Variants in ENTPD6 observed in about 807,000 individuals in gnomAD.
The protein encoded by ENTPD6 is ectonucleoside triphosphate diphosphohydrolase 6, also known as CD39 antigen-like 2.
A neutral mutation model predicts 61.5 loss-of-function variants in ENTPD6; 46 were observed. The observed-to-expected ratio is 0.75, with a 90% CI of 0.59 to 0.96. ENTPD6 has a LOEUF of 0.96. Ranked by LOEUF, ENTPD6 falls within the 40% of genes least tolerant of loss-of-function variation. The probability of loss-of-function intolerance (pLI) is 0.00; values close to 1 mark genes in which losing one functional copy is unlikely to be tolerated. For missense variants in ENTPD6, 612 were observed against 629.0 expected (o/e 0.97, Z 0.29); for synonymous variants, 252 against 255.5 (o/e 0.99, Z 0.13).
At chr20:25,212,118 C>T (rs1324504638) in intron 4 of ENTPD6, among the ~76,000 whole-genome samples, 1 of 152,138 alleles carries the variant, frequency 6.6e-6, no homozygotes, top group Non-Finnish European at 1.5e-5. Context: ...ACGTGTTTTT[C>T]CCTTGGACAG....
At chr20:25,223,731 C>A in intron 12 of ENTPD6, 2 of 156,066 alleles carry the variant, frequency 1.3e-5, no homozygotes, top group East Asian at 1.9e-4. Flanking sequence ...ATTTAGGAAA[C>A]TGATACCAGA....
intron 1 of ENTPD6, among the ~76,000 whole-genome samples, chr20:25,198,066 G>A (rs1172892712): frequency 1.3e-5 from 2 of 152,016 alleles, no homozygotes; most frequent in Non-Finnish European, 2.9e-5. Flanking sequence ...CACATAAAGG[G>A]TTTTTTTAAA....
chr20:25,204,837 T>A (rs767104094), intron 1 of ENTPD6, among the ~76,000 whole-genome samples: 2 of 151,798 alleles, frequency 1.3e-5, no homozygotes, highest in Non-Finnish European at 2.9e-5. Context: ...CACCTCAGAG[T>A]TCCTGACATC....
At chr20:25,198,665 G>T (rs1366746815) in intron 1 of ENTPD6, among the ~76,000 whole-genome samples, 1 of 152,174 alleles carries the variant, frequency 6.6e-6, no homozygotes, top group Non-Finnish European at 1.5e-5. Context: ...TTGGGTTATA[G>T]TCTGCTAAGG....
chr20:25,214,223 G>C (rs1202337449), intron 5 of ENTPD6, among the ~76,000 whole-genome samples: 2 of 152,204 alleles, frequency 1.3e-5, no homozygotes, highest in Admixed American at 6.5e-5. Flanking sequence ...TTACCTGCAG[G>C]AGGAGGGCAC....
intron 4 of ENTPD6, 40 bp downstream of exon 4, chr20:25,209,965 A>G: frequency 6.6e-7 from 1 of 1,526,474 alleles, no homozygotes; most frequent in Non-Finnish European, 9.1e-7. Flanking sequence ...CAACTGCAGA[A>G]TGTGTTCAAG....
intron 1 of ENTPD6, 167 bp downstream of exon 1, chr20:25,196,034 G>A: frequency 1.2e-6 from 1 of 846,280 alleles, no homozygotes; most frequent in African/African-American, 1.8e-5. Context: ...GGGCTCCCTG[G>A]ATGTCTGGGC....
At chr20:25,203,162 A>T (rs2091180343) in intron 1 of ENTPD6, among the ~76,000 whole-genome samples, 1 of 151,916 alleles carries the variant, frequency 6.6e-6, no homozygotes, top group East Asian at 1.9e-4. Context: ...GTTATTGAGG[A>T]TTCTTTGTAC....
At chr20:25,201,054 T>G (rs2090993434) in intron 1 of ENTPD6, among the ~76,000 whole-genome samples, 1 of 152,218 alleles carries the variant, frequency 6.6e-6, no homozygotes, top group African/African-American at 2.4e-5. Flanking sequence ...TCATTATGAC[T>G]TCTTCTTTGA....
chr20:25,205,909 C>T (rs1389637076), intron 1 of ENTPD6, among the ~76,000 whole-genome samples: 1 of 152,258 alleles, frequency 6.6e-6, no homozygotes, highest in Non-Finnish European at 1.5e-5. Context: ...CTGCTGTGCC[C>T]AAACAGCCTC....
chr20:25,219,009 G>A (rs553571356), intron 10 of ENTPD6, among the ~76,000 whole-genome samples: 1 of 152,356 alleles, frequency 6.6e-6, no homozygotes, highest in South Asian at 2.1e-4. Flanking sequence ...CGCCTCCCCA[G>A]TAGCTGGGAC....
At chr20:25,216,997 C>T (rs1436829902) in intron 8 of ENTPD6, among the ~76,000 whole-genome samples, 1 of 152,178 alleles carries the variant, frequency 6.6e-6, no homozygotes, top group Non-Finnish European at 1.5e-5. Flanking sequence ...TAGGGAATAA[C>T]TGGAAACGTT....
chr20:25,210,168 G>A lies in ENTPD6; in HGVS notation c.453+243G>A, dbSNP rs576467233. Among the ~76,000 whole-genome samples, 20 of 152,352 alleles carry A rather than the reference G, an allele frequency of 1.3e-4. No individual in the cohort carries two copies. The East Asian group carries it at 3.9e-3, about 29-fold the overall frequency. On this transcript the variant is annotated intron_variant, in intron 4 of 14. Transcript: ENST00000376652. Reference sequence around the variant, plus strand: ...CCGTGCCAGCGCTCACTTCTCCAACGTGGGGGTCCCGAGGTCTTGGTACAG... The same window carrying A: ...CCGTGCCAGCGCTCACTTCTCCAACATGGGGGTCCCGAGGTCTTGGTACAG...
chr20:25,204,488 A>C (rs1358942327), intron 1 of ENTPD6, among the ~76,000 whole-genome samples: 1 of 138,870 alleles, frequency 7.2e-6, no homozygotes, highest in Non-Finnish European at 1.6e-5. Context: ...ATATATATAT[A>C]TCTTACTTTC....
At position 25,225,902 on chromosome 20, in the gene ENTPD6, T is replaced by G; in HGVS notation, c.*305T>G. On this transcript the variant is annotated 3_prime_UTR_variant, in exon 15 of 15. Transcript: ENST00000376652. ...AGGGGGCAGTGTGGCTCCCTGCCTGTCCCATCCCCATGCCCCGTCCGCGGG... is the reference window on the plus strand; with the variant it reads ...AGGGGGCAGTGTGGCTCCCTGCCTGGCCCATCCCCATGCCCCGTCCGCGGG... 1 of 297,102 alleles carries G rather than the reference T, an allele frequency of 3.4e-6. No individual in the cohort carries two copies. The highest frequency in any genetic ancestry group is 6.3e-6 in the Non-Finnish European group (1 of 159,574). The allele number at this position is 297,102 out of a possible 1,614,324, so 18.4% of individuals were successfully genotyped here. A position where few individuals can be genotyped will look rare whatever the true frequency, so the allele number is the denominator to read the frequency against.
intron 1 of ENTPD6, among the ~76,000 whole-genome samples, chr20:25,198,905 A>G (rs2090778235): frequency 6.6e-6 from 1 of 152,180 alleles, no homozygotes. Flanking sequence ...CAAACTCAGC[A>G]TGTCAAAAAC....
intron 1 of ENTPD6, among the ~76,000 whole-genome samples, chr20:25,198,337 G>A (rs187986643): frequency 2.0e-5 from 3 of 152,120 alleles, no homozygotes; most frequent in Non-Finnish European, 4.4e-5. Context: ...TTAGCTGGGC[G>A]TGGTGGTGCA....
At chr20:25,209,615 TA>T (rs200731715) in intron 3 of ENTPD6, among the ~76,000 whole-genome samples, 8 of 151,106 alleles carry the variant, frequency 5.3e-5, no homozygotes, top group African/African-American at 1.7e-4. Context: ...ATAATAATTT[TA>T]AAAAAATAAT....
Position 25,215,781 on chromosome 20 carries a change from G to A in ENTPD6, c.709+70G>A, listed in dbSNP as rs534328527. On this transcript the variant is annotated intron_variant, in intron 7 of 14. Coordinates refer to ENST00000376652, the MANE Select transcript of ENTPD6 (RefSeq NM_001247.5). ...TGCGGAGGGCTCGACTGGGCCTTTC[G>A]AGAGCAGGAGCCTCATTTCTGCTCT... 4.1e-4 allele frequency: 600 copies of A among 1,460,942 alleles called. 8 individuals are homozygous for A. The South Asian group carries it at 5.1e-3, about 12-fold the overall frequency. The allele number at this position is 1,460,942 out of a possible 1,614,324, so 90.5% of individuals were successfully genotyped here.
Sources: allele counts gnomAD v4.1 joint callset (sites outside exome capture counted in the v4.1 genomes callset), GRCh38; gene constraint gnomAD v4.1.1; transcripts MANE v1.5; gene names NCBI Gene and HGNC (gene_info 2026-07-23, HGNC 2026-07-21).